The following TENM1 variants were observed in gnomAD, a reference collection of about 807,000 sequenced individuals.
TENM1 encodes teneurin-1.
A neutral mutation model predicts 174.8 loss-of-function variants in TENM1; 35 were observed. The observed-to-expected ratio is 0.20, with a 90% confidence interval of 0.15 to 0.27. The LOEUF is 0.27. Ranked by LOEUF, TENM1 falls within the 10% of genes least tolerant of loss-of-function variation. TENM1 has a pLI of 1.00. For synonymous variants in TENM1, 781 were observed against 798.7 expected (o/e 0.98, Z 0.37); for missense variants, 1,633 against 2,130.1 (o/e 0.77, Z 4.59).
chrX:124,737,045 C>T, exon 4 of TENM1: 1 of 1,211,180 alleles, frequency 8.3e-7, no homozygotes, highest in Non-Finnish European at 1.1e-6. Flanking sequence ...GCTGGAGCAG[C>T]TGGGCTGGGC....
At chrX:124,614,073 T>TG (rs944529679) in intron 11 of TENM1, among the ~76,000 whole-genome samples, 36 of 111,199 alleles carry the variant, frequency 3.2e-4, no homozygotes, top group Non-Finnish European at 4.9e-4. Flanking sequence ...AACTGTTTTC[T>TG]GGGGGGGTTG....
chrX:124,892,926 C>T (rs2057499654), intron 3 of TENM1, among the ~76,000 whole-genome samples: 1 of 112,211 alleles, frequency 8.9e-6, no homozygotes, highest in African/African-American at 3.2e-5. Context: ...GATAAGCATG[C>T]TTTCATGAAT....
In TENM1 at chrX:124,737,772, A is replaced by G. The variant is rs1020687537; in HGVS notation, c.536-575T>C. Among the ~76,000 whole-genome samples the G allele has an allele frequency of 3.6e-5, 4 of 112,303 alleles. No homozygotes were observed. In the South Asian group the frequency reaches 1.5e-3, roughly 42 times the overall value. On this transcript the variant is annotated intron_variant, in intron 3 of 31. Coordinates refer to ENST00000422452, the Ensembl canonical transcript of TENM1. ...TAATCTCTTTGTCAGCCCCCCAACT[A>G]GAGTGCTACTTGTAAAAGGTAGGCT...
intron 9 of TENM1, 28 bp from the exon 13 acceptor site, chrX:124,645,365 G>A (rs367826853): frequency 1.7e-5 from 20 of 1,173,321 alleles, no homozygotes; most frequent in Non-Finnish European, 2.3e-5. Flanking sequence ...AACTTGTAAT[G>A]TTCTCATAAT....
chrX:124,486,509 C>A (rs779392517), intron 21 of TENM1, among the ~76,000 whole-genome samples: 3 of 112,056 alleles, frequency 2.7e-5, no homozygotes, highest in Non-Finnish European at 5.6e-5. Flanking sequence ...AGATTAGAAA[C>A]CCCATCAGTG....
chrX:125,160,959 A>C, the TENM1 span, among the ~76,000 whole-genome samples: 6 of 108,337 alleles, frequency 5.5e-5, no homozygotes, highest in Admixed American at 4.0e-4. Context: ...AAAAAACTGA[A>C]AACATGTTTA....
At chrX:125,066,669 A>C in the TENM1 span, among the ~76,000 whole-genome samples, 1 of 111,859 alleles carries the variant, frequency 8.9e-6, no homozygotes, top group African/African-American at 3.2e-5. Flanking sequence ...TTAAAATAAT[A>C]TTTTATTATT....
chrX:124,767,185 C>A (rs1438576802), intron 3 of TENM1, among the ~76,000 whole-genome samples: 1 of 111,565 alleles, frequency 9.0e-6, no homozygotes, highest in East Asian at 2.8e-4. Context: ...TCACCCTTCT[C>A]AGTGGAGCTA....
At chrX:124,384,250 C>T (rs781416996) in exon 30 of TENM1, 1 of 1,210,206 alleles carries the variant, frequency 8.3e-7, no homozygotes, top group Non-Finnish European at 1.1e-6. Flanking sequence ...CATTTCCCCT[C>T]TGCCTCAGAA....
intron 11 of TENM1, among the ~76,000 whole-genome samples, chrX:124,621,380 C>T (rs1345006259): frequency 1.8e-5 from 2 of 111,000 alleles, no homozygotes; most frequent in Non-Finnish European, 3.8e-5. Flanking sequence ...GGCCGAGGCA[C>T]AAGAATCGCT....
chrX:124,937,576 C>T (rs760138537), intron 1 of TENM1, among the ~76,000 whole-genome samples: 1 of 111,579 alleles, frequency 9.0e-6, no homozygotes, highest in South Asian at 3.8e-4. Flanking sequence ...AAAGAAAACC[C>T]TAATAAGAGC....
At chrX:124,643,413 C>T (rs911066120) in intron 10 of TENM1, among the ~76,000 whole-genome samples, 2 of 111,094 alleles carry the variant, frequency 1.8e-5, no homozygotes, top group Admixed American at 9.6e-5. Context: ...TGAAAGCAAG[C>T]GCCCTTTTAA....
chrX:124,488,250 C>T (rs1423111382), intron 20 of TENM1, among the ~76,000 whole-genome samples: 2 of 112,230 alleles, frequency 1.8e-5, no homozygotes, highest in African/African-American at 6.5e-5. Flanking sequence ...CTGTGAAATA[C>T]GATCATTTTA....
At chrX:124,566,662 T>G (rs2148177046) in intron 11 of TENM1, among the ~76,000 whole-genome samples, 1 of 112,533 alleles carries the variant, frequency 8.9e-6, no homozygotes, top group South Asian at 3.7e-4. Context: ...GCATTGATAT[T>G]AATATTCTCC....
chrX:124,551,293 C>T (rs2148131477), intron 14 of TENM1, among the ~76,000 whole-genome samples: 1 of 111,346 alleles, frequency 9.0e-6, no homozygotes, highest in South Asian at 3.8e-4. Context: ...TCCATGATTG[C>T]TCTTATATGA....
chrX:124,493,997 T>C (rs2047127831), intron 20 of TENM1, among the ~76,000 whole-genome samples: 1 of 111,423 alleles, frequency 9.0e-6, no homozygotes, highest in African/African-American at 3.3e-5. Context: ...GAAAAATGGA[T>C]GGGGGCTTGG....
chrX:125,124,523 C>T, the TENM1 span, among the ~76,000 whole-genome samples: 1 of 111,472 alleles, frequency 9.0e-6, no homozygotes, highest in Non-Finnish European at 1.9e-5. Flanking sequence ...CGACCAAATG[C>T]GACTAGGAAG....
intron 3 of TENM1, among the ~76,000 whole-genome samples, chrX:124,748,239 C>T (rs764847339): frequency 7.8e-4 from 87 of 111,419 alleles, no homozygotes; most frequent in Admixed American, 1.4e-3. Context: ...TCCATACTTA[C>T]AGTACAGGAC....
chrX:124,994,983 C>T, the TENM1 span, among the ~76,000 whole-genome samples: 10 of 110,983 alleles, frequency 9.0e-5, 1 homozygote, highest in Non-Finnish European at 1.9e-4. Flanking sequence ...CCTGTTGATG[C>T]CTGCAGCCTC....
Sources: gnomAD v4.1 joint callset for allele counts (sites outside exome capture counted in the v4.1 genomes callset) on GRCh38, gnomAD v4.1.1 for gene constraint, MANE v1.5 for transcripts, NCBI Gene and HGNC (gene_info 2026-07-23, HGNC 2026-07-21) for gene names.